GRM8: variants seen among roughly 807,000 people sequenced by gnomAD.
GRM8 encodes metabotropic glutamate receptor 8.
A neutral mutation model predicts 87.2 loss-of-function variants in GRM8; 47 were observed. The observed-to-expected ratio is 0.54, with a 90% CI of 0.43 to 0.69. GRM8 has a LOEUF of 0.69. Ranked by LOEUF, GRM8 falls within the 30% of genes least tolerant of loss-of-function variation. The pLI is 0.00. For missense variants in GRM8, 1,019 were observed against 1,139.2 expected (o/e 0.89, Z 1.52); for synonymous variants, 396 against 404.5 (o/e 0.98, Z 0.25).
chr7:126,814,702 CTT>C (rs35666218), intron 6 of GRM8, among the ~76,000 whole-genome samples: 16 of 148,048 alleles, frequency 1.1e-4, no homozygotes, highest in East Asian at 3.9e-4. Flanking sequence ...TTCTTTTTCT[CTT>C]TTTTTTTTGT....
rs1309331821 is a variant in GRM8, at chr7:127,197,608, A to AG, written c.510+45086dup. On this transcript the variant is annotated intron_variant, in intron 2 of 10. Coordinates refer to ENST00000339582, the MANE Select transcript of GRM8 (RefSeq NM_000845.3). ...GGAAACATGTCTGTCAAAAAAAAAA[A>AG]GGGGGAACAGCAAAGGGAAAACATC... 8.6e-5 allele frequency among the ~76,000 whole-genome samples: 13 copies of AG among 151,714 alleles called. 1 individual carries two copies. The highest frequency in any genetic ancestry group is 2.1e-4 in the South Asian group (1 of 4,808).
chr7:127,191,399 C>T (rs148107446), intron 2 of GRM8, among the ~76,000 whole-genome samples: 11 of 152,242 alleles, frequency 7.2e-5, no homozygotes, highest in African/African-American at 2.6e-4. Flanking sequence ...AACCTTCTAG[C>T]AATGAAATAG....
intron 9 of GRM8, among the ~76,000 whole-genome samples, chr7:126,528,679 C>T (rs939861772): frequency 5.3e-5 from 8 of 150,480 alleles, no homozygotes; most frequent in African/African-American, 2.0e-4. Context: ...AACCCTTTTC[C>T]TGCTTTTCCC....
At chr7:126,457,427 A>G (rs1803384415) in intron 9 of GRM8, among the ~76,000 whole-genome samples, 1 of 151,536 alleles carries the variant, frequency 6.6e-6, no homozygotes, top group Admixed American at 6.6e-5. Flanking sequence ...TTGTACAGAA[A>G]AAAATTACCA....
At chr7:127,090,331 T>C (rs766096534) in intron 3 of GRM8, among the ~76,000 whole-genome samples, 5 of 152,200 alleles carry the variant, frequency 3.3e-5, no homozygotes, top group Non-Finnish European at 5.9e-5. Context: ...GTTAAATGAA[T>C]GGTGAATAAG....
At chr7:126,595,311 A>T (rs1797056577) in intron 8 of GRM8, among the ~76,000 whole-genome samples, 2 of 151,888 alleles carry the variant, frequency 1.3e-5, no homozygotes, top group African/African-American at 4.8e-5. Context: ...AGTTCACGGC[A>T]ACCTCCCCTT....
At chr7:126,992,493 A>G (rs1812756531) in intron 3 of GRM8, among the ~76,000 whole-genome samples, 1 of 152,360 alleles carries the variant, frequency 6.6e-6, no homozygotes, top group South Asian at 2.1e-4. Context: ...AAAACAAAAT[A>G]TATTCACAAC....
chr7:126,734,405 T>C (rs1380795870), intron 7 of GRM8, among the ~76,000 whole-genome samples: 3 of 151,738 alleles, frequency 2.0e-5, no homozygotes, highest in Non-Finnish European at 4.4e-5. Context: ...AATGATATAC[T>C]AGCACAAAAA....
intron 3 of GRM8, among the ~76,000 whole-genome samples, chr7:127,002,630 G>T (rs1813845317): frequency 6.6e-6 from 1 of 151,530 alleles, no homozygotes; most frequent in Non-Finnish European, 1.5e-5. Flanking sequence ...AAGATTTTGT[G>T]CATTTTTGTT....
At chr7:126,902,103 A>G (rs1423737969) in intron 6 of GRM8, among the ~76,000 whole-genome samples, 1 of 152,214 alleles carries the variant, frequency 6.6e-6, no homozygotes, top group Non-Finnish European at 1.5e-5. Context: ...GATAGCTGCT[A>G]TGCAGGATTT....
At chr7:126,710,165 T>G (rs1810957934) in intron 7 of GRM8, among the ~76,000 whole-genome samples, 1 of 152,244 alleles carries the variant, frequency 6.6e-6, no homozygotes, top group Non-Finnish European at 1.5e-5. Flanking sequence ...AATTATCATC[T>G]GAGGCTTCAG....
intron 7 of GRM8, among the ~76,000 whole-genome samples, chr7:126,635,045 C>T (rs1007227456): frequency 7.2e-5 from 11 of 152,144 alleles, no homozygotes; most frequent in Non-Finnish European, 1.3e-4. Flanking sequence ...AAGTCACCCA[C>T]ATCATAGACT....
chr7:126,709,254 T>C (rs983955397), intron 7 of GRM8, among the ~76,000 whole-genome samples: 6 of 152,092 alleles, frequency 3.9e-5, no homozygotes, highest in Admixed American at 1.3e-4. Flanking sequence ...CCTATTAAGA[T>C]AGCTGCTATG....
At position 126,533,644 on chromosome 7, in the gene GRM8, G is replaced by A; in HGVS notation, c.1738C>T (p.His580Tyr). 6.2e-7 allele frequency: 1 copy of A among 1,614,036 alleles called. No homozygotes were observed. The highest frequency in any genetic ancestry group is 8.5e-7 in the Non-Finnish European group (1 of 1,179,956). ...ACAGGCACCACAGCCCAGGGAGAAT[G>A]CCACTCCAATTTGATGATGGGGATA... ...QLIPIIKLEWHSPWAVVPVFV... is the reference protein window; with the variant it reads ...QLIPIIKLEWYSPWAVVPVFV... Residue 580 changes from histidine to tyrosine, a missense_variant, in exon 9 of 11, where the codon CAT becomes TAT. Coordinates refer to ENST00000339582, the MANE Select transcript of GRM8 (RefSeq NM_000845.3).
At chr7:126,656,673 T>TA (rs936939825) in intron 7 of GRM8, among the ~76,000 whole-genome samples, 18 of 150,746 alleles carry the variant, frequency 1.2e-4, no homozygotes, top group Non-Finnish European at 2.4e-4. Context: ...GTCTCAAAAA[T>TA]AAAAAAATAA....
At chr7:126,829,992 G>C (rs950417178) in intron 6 of GRM8, among the ~76,000 whole-genome samples, 46 of 152,070 alleles carry the variant, frequency 3.0e-4, no homozygotes, top group African/African-American at 1.1e-3. Context: ...GAAATTCTGG[G>C]TTGAAAATTC....
chr7:126,988,867 C>CAGT (rs1202729429), intron 3 of GRM8, among the ~76,000 whole-genome samples: 2 of 152,090 alleles, frequency 1.3e-5, no homozygotes, highest in African/African-American at 4.8e-5. Context: ...TAGGTAGGAC[C>CAGT]AGTAGGTCCA....
At chr7:126,451,231 C>A (rs537160061) in intron 9 of GRM8, among the ~76,000 whole-genome samples, 1 of 151,934 alleles carries the variant, frequency 6.6e-6, no homozygotes, top group Non-Finnish European at 1.5e-5. Context: ...TCCCAATCTT[C>A]ATCCCTAAAC....
chr7:127,056,175 T>C (rs1170064153), intron 3 of GRM8, among the ~76,000 whole-genome samples: 1 of 152,234 alleles, frequency 6.6e-6, no homozygotes, highest in African/African-American at 2.4e-5. Context: ...TACATTATTC[T>C]TGAGTACAGA....
Sources: allele counts gnomAD v4.1 joint callset (sites outside exome capture counted in the v4.1 genomes callset), GRCh38; gene constraint gnomAD v4.1.1; transcripts MANE v1.5; gene names NCBI Gene and HGNC (gene_info 2026-07-23, HGNC 2026-07-21).